The following EMX1 variants were observed in gnomAD, a reference collection of about 807,000 sequenced individuals.
EMX1 encodes homeobox protein EMX1.
Under a neutral mutation model 20.1 loss-of-function variants are expected in EMX1, and 10 were observed. That is an observed-to-expected ratio of 0.50 (90% CI 0.31 to 0.84). The LOEUF is 0.84. Ranked by LOEUF, EMX1 falls within the 40% of genes least tolerant of loss-of-function variation. The pLI is 0.05. For missense variants in EMX1, 424 were observed against 431.9 expected (o/e 0.98, Z 0.16); for synonymous variants, 250 against 200.4 (o/e 1.25, Z -2.09).
rs765257725 is a variant in EMX1 at position 72,918,118 on chromosome 2, G to C, written c.266G>C (p.Ser89Thr). ...ACGGCGCTCAACTACCCTCACCCCA[G>C]CGCGGCCGAGGCGGCCTTCGTGAGT... Reference protein sequence around the residue: ...RPTALNYPHPSAAEAAFVSGF... With the variant: ...RPTALNYPHPTAAEAAFVSGF... Residue 89 changes from serine (S) to threonine (T), a missense_variant, in exon 1 of 3, where the codon AGC (serine) becomes ACC (threonine). Ser to Thr is a moderately conservative substitution (Grantham distance 58). Coordinates refer to ENST00000258106, the MANE Select transcript of EMX1 (RefSeq NM_004097.3). 2.0e-6 allele frequency: 3 copies of C among 1,479,830 alleles called. No individual in the cohort carries two copies. Among genetic ancestry groups the C allele is most frequent in the African/African-American group, 1.5e-5 (1 of 67,964 alleles). 91.7% of individuals were successfully genotyped at this position (1,479,830 alleles called of 1,614,324 possible). A position where few individuals can be genotyped will look rare whatever the true frequency, so the allele number is the denominator to read the frequency against.
Position 72,934,047 on chromosome 2 carries a change from C to G in EMX1, c.*93C>G. 6.5e-7 allele frequency: 1 copy of G among 1,531,604 alleles called. No individual in the cohort carries two copies. The highest frequency in any genetic ancestry group is 8.8e-7 in the Non-Finnish European group (1 of 1,132,370). The allele number at this position is 1,531,604 out of a possible 1,614,324, so 94.9% of individuals were successfully genotyped here. ...AAGCTGGACTCTGGCCACTCCCTGG[C>G]CAGGCTTTGGGGAGGCCTGGAGTCA... On this transcript the variant is annotated 3_prime_UTR_variant, in exon 3 of 3. Coordinates refer to ENST00000258106, the MANE Select transcript of EMX1 (RefSeq NM_004097.3).
chr2:72,920,028 T>C (rs934805903), intron 1 of EMX1, among the ~76,000 whole-genome samples: 1 of 152,012 alleles, frequency 6.6e-6, no homozygotes, highest in Non-Finnish European at 1.5e-5. Context: ...TGTGGAGGGA[T>C]AGGGGCTCGG....
chr2:72,927,507 A>G (rs1187950980), intron 2 of EMX1, among the ~76,000 whole-genome samples: 1 of 152,200 alleles, frequency 6.6e-6, no homozygotes, highest in East Asian at 1.9e-4. Context: ...CTATCATGAT[A>G]TGCATCAAAC....
At position 72,918,164 on chromosome 2, in the gene EMX1, C is replaced by A; in HGVS notation, c.312C>A (p.Ala104=). The A allele has an allele frequency of 6.7e-7, 1 of 1,503,132 alleles. No homozygotes were observed. The highest frequency in any genetic ancestry group is 1.3e-5 in the South Asian group (1 of 78,744). 93.1% of individuals were successfully genotyped at this position (1,503,132 alleles called of 1,614,324 possible). The change falls in exon 1 of 3, where the codon GCC becomes GCA. Residue 104 remains alanine, a synonymous_variant. Transcript: ENST00000258106. ...TGAGTGGCTTCCCTGCCGCGGCCGC[C>A]GCGGGCGCGGGCCGCTCGCTCTACG... ...AFVSGFPAAA[A]AGAGRSLYGG...
chr2:72,917,135 C>CA (rs140283507), upstream of EMX1: 12,326 of 614,454 alleles, frequency 0.02, 1,076 homozygotes, highest in African/African-American at 0.2. Context: ...TGTTGGACCC[C>CA]AAACATCCAC....
chr2:72,925,645 C>T, intron 2 of EMX1: 1 of 1,173,914 alleles, frequency 8.5e-7, no homozygotes, highest in Non-Finnish European at 1.1e-6. Flanking sequence ...TCCCAAGTCC[C>T]GGGCAGTGAG....
At chr2:72,925,448 G>T in intron 2 of EMX1, 1 of 1,288,102 alleles carries the variant, frequency 7.8e-7, no homozygotes. Context: ...GGTCCGACGT[G>T]TTGGAGTGGG....
chr2:72,924,939 T>C (rs1671169519), intron 2 of EMX1, among the ~76,000 whole-genome samples: 1 of 152,226 alleles, frequency 6.6e-6, no homozygotes, highest in African/African-American at 2.4e-5. Flanking sequence ...CCGCACTGGC[T>C]TTGCTGCTGT....
chr2:72,924,351 T>C lies in EMX1; in HGVS notation c.563T>C (p.Phe188Ser). Residue 188 changes from phenylalanine (F) to serine (S), a missense_variant, in exon 2 of 3, where the codon TTC (phenylalanine) becomes TCC (serine). By Grantham distance (155) the Phe-to-Ser change is radical. Around this residue, in one of 2 missense-constraint regions of EMX1, gnomAD observed 333 missense variants for 296.6 expected, o/e 1.12. Transcript: ENST00000258106. ...GACGGGCTGCTTCTGCACGGCCCCT[T>C]CGCACGCAAGCCCAAGCGGATCCGC... ...PQDGLLLHGPFARKPKRIRTA... is the reference protein window; with the variant it reads ...PQDGLLLHGPSARKPKRIRTA... 1 of 1,584,864 alleles carries C rather than the reference T, an allele frequency of 6.3e-7. No homozygotes were observed. The highest frequency in any genetic ancestry group is 8.5e-7 in the Non-Finnish European group (1 of 1,172,050).
chr2:72,917,858 C>T lies in EMX1; in HGVS notation c.6C>T (p.Cys2=). 1.4e-6 allele frequency: 2 copies of T among 1,462,814 alleles called. No homozygotes were observed. Among genetic ancestry groups the T allele is most frequent in the Non-Finnish European group, 1.8e-6 (2 of 1,114,226 alleles). The allele number at this position is 1,462,814 out of a possible 1,614,324, so 90.6% of individuals were successfully genotyped here. The part of the protein sequence containing the change: M[C]LAGCTPRKAA... ...AGGGGTGCGGGCGGGTGTGCATGTG[C>T]CTGGCTGGGTGCACACCCCGCAAGG... The change falls in exon 1 of 3, where the codon TGC becomes TGT. Residue 2 remains cysteine, a synonymous_variant. Transcript: ENST00000258106.
At chr2:72,920,262 C>A (rs1019485419) in intron 1 of EMX1, among the ~76,000 whole-genome samples, 1 of 152,246 alleles carries the variant, frequency 6.6e-6, no homozygotes, top group Non-Finnish European at 1.5e-5. Flanking sequence ...TCGCAAAACC[C>A]TCTTGGAAAT....
At chr2:72,916,972 C>T, upstream of EMX1, 2 of 714,416 alleles carry the variant, frequency 2.8e-6, no homozygotes, top group South Asian at 1.5e-5. Context: ...TGAGCGTCCC[C>T]TTTCCAGAGC....
At chr2:72,926,740 T>C (rs1049873956) in intron 2 of EMX1, among the ~76,000 whole-genome samples, 28 of 152,232 alleles carry the variant, frequency 1.8e-4, no homozygotes, top group Admixed American at 9.8e-4. Flanking sequence ...CCCTTCCCTT[T>C]AAGGTAGTAT....
Position 72,918,503 on chromosome 2 carries a change from A to C in EMX1, c.520+131A>C, listed in dbSNP as rs1671038523. 4.0e-6 allele frequency: 5 copies of C among 1,235,304 alleles called. No individual in the cohort carries two copies. In the South Asian group the frequency reaches 1.1e-4, roughly 28 times the overall value. The allele number at this position is 1,235,304 out of a possible 1,614,324, so 76.5% of individuals were successfully genotyped here. On this transcript the variant is annotated intron_variant, in intron 1 of 2. Coordinates refer to ENST00000258106, the MANE Select transcript of EMX1 (RefSeq NM_004097.3). ...GAAGGCTGCAGGTCCGCGGAGGTAG[A>C]TTCCCAGGCAGGGAAGAGCTGTGCG...
chr2:72,921,026 C>T (rs907846895), intron 1 of EMX1, among the ~76,000 whole-genome samples: 3 of 152,178 alleles, frequency 2.0e-5, no homozygotes, highest in Non-Finnish European at 2.9e-5. Flanking sequence ...CTCTCCTAGC[C>T]CTAGGGCCCT....
Position 72,934,129 on chromosome 2 carries a change from C to T in EMX1, c.*175C>T, listed in dbSNP as rs1056652426. On this transcript the variant is annotated 3_prime_UTR_variant, in exon 3 of 3. Coordinates refer to ENST00000258106, the MANE Select transcript of EMX1 (RefSeq NM_004097.3). ...CATTGACAGAGGGACAAGCAATGGG[C>T]TGGCTGAGGCCTGGGACCACTTGGC... 2.1e-6 allele frequency: 2 copies of T among 944,166 alleles called. No individual in the cohort carries two copies. Among genetic ancestry groups the T allele is most frequent in the African/African-American group, 3.3e-5 (2 of 59,794 alleles). 58.5% of individuals were successfully genotyped at this position (944,166 alleles called of 1,614,324 possible). A position where few individuals can be genotyped will look rare whatever the true frequency, so the allele number is the denominator to read the frequency against.
chr2:72,923,941 G>A, intron 1 of EMX1: 1 of 354,784 alleles, frequency 2.8e-6, no homozygotes, highest in Non-Finnish European at 5.3e-6. Context: ...CGGAGAAAGA[G>A]CGCCATGGAC....
chr2:72,924,024 T>TG (rs56293554), intron 1 of EMX1: 107,651 of 560,492 alleles, frequency 0.19, 16,848 homozygotes, highest in African/African-American at 0.62. Context: ...TCGTCCGGCC[T>TG]GCCCCATCTC....
intron 1 of EMX1, among the ~76,000 whole-genome samples, chr2:72,920,678 T>C (rs1050311882): frequency 6.6e-6 from 1 of 152,208 alleles, no homozygotes; most frequent in Admixed American, 6.5e-5. Context: ...GCGCAGCGCT[T>C]GGGCGGCGCG....
Sources: gnomAD v4.1 joint callset for allele counts (sites outside exome capture counted in the v4.1 genomes callset) on GRCh38, gnomAD v4.1.1 for gene constraint, gnomAD v4.1.1 regional missense constraint, MANE v1.5 for transcripts, NCBI Gene and HGNC (gene_info 2026-07-23, HGNC 2026-07-21) for gene names.